Variants in EFCAB11 observed in about 807,000 individuals in gnomAD.
EFCAB11 encodes EF-hand calcium-binding domain-containing protein 11.
EFCAB11 carries 14 observed loss-of-function variants against 23.0 expected under a neutral mutation model. The observed-to-expected ratio is 0.61, with a 90% confidence interval of 0.40 to 0.95. The LOEUF (loss-of-function observed/expected upper bound fraction) is 0.95. Ranked by LOEUF, EFCAB11 falls within the 40% of genes least tolerant of loss-of-function variation. The pLI, the probability that EFCAB11 is intolerant of heterozygous loss-of-function variation, is 0.00. For missense variants in EFCAB11, 198 were observed against 195.8 expected, an observed-to-expected ratio of 1.01 and a Z score of -0.07; for synonymous variants, 65 against 66.6, an observed-to-expected ratio of 0.98 and a Z score of 0.11.
chr14:89,907,907 C>T (rs867887886), intron 5 of EFCAB11, among the ~76,000 whole-genome samples: 4 of 152,186 alleles, frequency 2.6e-5, no homozygotes, highest in East Asian at 1.9e-4. Context: ...ACAGTAGCCA[C>T]CTCATGGGGT....
Position 89,953,788 on chromosome 14 carries a change from C to T in EFCAB11, c.171+118G>A, listed in dbSNP as rs553310003. The T allele has an allele frequency of 2.2e-5, 17 of 759,314 alleles. No individual in the cohort carries two copies. In the African/African-American group the frequency reaches 2.8e-4, roughly 13 times the overall value. 47.0% of individuals were successfully genotyped at this position (759,314 alleles called of 1,614,324 possible). ...AGCTAAAATTCAGCACTGGACACAT[C>T]TCTGAAATTGCTTATAAAGCAATTT... On this transcript the variant is annotated intron_variant, in intron 2 of 5. Transcript: ENST00000316738.
chr14:89,836,517 G>A (rs1887084726), intron 5 of EFCAB11: 3 of 456,140 alleles, frequency 6.6e-6, no homozygotes, highest in Non-Finnish European at 1.3e-5. Context: ...TGTCCACACA[G>A]TGTGTAAGGC....
chr14:89,856,432 C>T (rs963176411), intron 5 of EFCAB11, among the ~76,000 whole-genome samples: 4 of 152,046 alleles, frequency 2.6e-5, no homozygotes, highest in East Asian at 1.9e-4. Context: ...TCAAGCAATC[C>T]GCCCACCTTG....
chr14:89,797,413 G>T, intron 5 of EFCAB11, 89 bp from the exon 6 acceptor site: 2 of 1,208,040 alleles, frequency 1.7e-6, no homozygotes, highest in Non-Finnish European at 2.4e-6. Context: ...TTATTTGCAT[G>T]TCTGTGTGAG....
At chr14:89,816,710 C>T (rs1251214457) in intron 5 of EFCAB11, among the ~76,000 whole-genome samples, 2 of 151,932 alleles carry the variant, frequency 1.3e-5, no homozygotes, top group African/African-American at 4.8e-5. Flanking sequence ...GAGGGTCTTG[C>T]CACGGTGAAA....
At chr14:89,870,943 A>T (rs1366827890) in intron 5 of EFCAB11, among the ~76,000 whole-genome samples, 2 of 152,114 alleles carry the variant, frequency 1.3e-5, no homozygotes, top group African/African-American at 4.8e-5. Flanking sequence ...TTGTCTCAAA[A>T]CAAAAACAAA....
At chr14:89,821,195 A>C (rs2140101816) in intron 5 of EFCAB11, among the ~76,000 whole-genome samples, 1 of 152,240 alleles carries the variant, frequency 6.6e-6, no homozygotes, top group Non-Finnish European at 1.5e-5. Context: ...ACTTTGAGTA[A>C]AGCAGATTGC....
intron 5 of EFCAB11, among the ~76,000 whole-genome samples, chr14:89,822,093 T>C (rs1481961217): frequency 1.3e-5 from 2 of 152,198 alleles, no homozygotes; most frequent in Non-Finnish European, 2.9e-5. Context: ...TTTTTATGTT[T>C]ACAACCACTG....
At chr14:89,893,057 G>A (rs1311734313) in intron 5 of EFCAB11, among the ~76,000 whole-genome samples, 5 of 152,198 alleles carry the variant, frequency 3.3e-5, no homozygotes, top group African/African-American at 1.2e-4. Context: ...GACAGGATGT[G>A]CTCACCCAGA....
chr14:89,900,750 G>T (rs765332865), intron 5 of EFCAB11, among the ~76,000 whole-genome samples: 2 of 152,098 alleles, frequency 1.3e-5, no homozygotes, highest in Non-Finnish European at 2.9e-5. Flanking sequence ...TCCAGGGAGT[G>T]GAATTAATAT....
At chr14:89,940,794 G>A (rs893641122) in intron 3 of EFCAB11, among the ~76,000 whole-genome samples, 7 of 152,026 alleles carry the variant, frequency 4.6e-5, no homozygotes, top group African/African-American at 1.2e-4. Flanking sequence ...ACATAGATCC[G>A]AGATAATAAC....
chr14:89,824,791 G>A (rs28866232), intron 5 of EFCAB11, among the ~76,000 whole-genome samples: 3,266 of 152,042 alleles, frequency 0.021, 51 homozygotes, highest in African/African-American at 0.04. Context: ...TAGCAGGGTC[G>A]ATTAATCAAG....
chr14:89,907,072 A>G (rs1217440785), intron 5 of EFCAB11, among the ~76,000 whole-genome samples: 1 of 152,168 alleles, frequency 6.6e-6, no homozygotes, highest in Non-Finnish European at 1.5e-5. Context: ...AACAGACATC[A>G]GTTTCCCTAC....
At chr14:89,903,587 T>C (rs1024330335) in intron 5 of EFCAB11, among the ~76,000 whole-genome samples, 42 of 152,064 alleles carry the variant, frequency 2.8e-4, no homozygotes, top group Admixed American at 3.9e-4. Context: ...GGGGGGCAAT[T>C]CTGGGTGTTT....
intron 5 of EFCAB11, among the ~76,000 whole-genome samples, chr14:89,866,711 G>A (rs983643552): frequency 6.6e-6 from 1 of 152,182 alleles, no homozygotes; most frequent in African/African-American, 2.4e-5. Flanking sequence ...ATCAGGCCCC[G>A]GGCTATAATC....
At chr14:89,878,890 C>CT (rs1329523650) in intron 5 of EFCAB11, among the ~76,000 whole-genome samples, 3 of 151,694 alleles carry the variant, frequency 2.0e-5, no homozygotes, top group Non-Finnish European at 4.4e-5. Context: ...CTTTTTCATT[C>CT]TTTTTTTTAA....
At chr14:89,941,234 G>A (rs1306999656) in intron 3 of EFCAB11, among the ~76,000 whole-genome samples, 3 of 152,150 alleles carry the variant, frequency 2.0e-5, no homozygotes. Context: ...TTTCCTATTT[G>A]TTCTGGATGC....
intron 5 of EFCAB11, among the ~76,000 whole-genome samples, chr14:89,834,075 C>T (rs557520449): frequency 7.2e-5 from 11 of 152,112 alleles, no homozygotes; most frequent in South Asian, 4.2e-4. Context: ...AAGTTTGTGG[C>T]CGTGTGTGGT....
intron 3 of EFCAB11, among the ~76,000 whole-genome samples, chr14:89,940,071 C>T (rs1402686578): frequency 6.6e-6 from 1 of 152,172 alleles, no homozygotes; most frequent in Non-Finnish European, 1.5e-5. Context: ...GTCTTTAGGT[C>T]AGTGTCTGTG....
Sources: gnomAD v4.1 joint callset for allele counts (sites outside exome capture counted in the v4.1 genomes callset) on GRCh38, gnomAD v4.1.1 for gene constraint, MANE v1.5 for transcripts, NCBI Gene and HGNC (gene_info 2026-07-23, HGNC 2026-07-21) for gene names.